PGM1: variants seen among roughly 807,000 people sequenced by gnomAD.
PGM1 encodes the protein phosphoglucomutase 1, also known as phosphoglucomutase-1.
In PGM1, 52 loss-of-function variants were observed where a neutral mutation model predicts 55.6. That is an observed-to-expected ratio of 0.94 (90% CI 0.75 to 1.18). The LOEUF is 1.18. Ranked by LOEUF, PGM1 falls within the 50% of genes most tolerant of loss-of-function variation. The probability of loss-of-function intolerance (pLI) is 0.00; values close to 1 mark genes in which losing one functional copy is unlikely to be tolerated. For missense variants in PGM1, 724 were observed against 729.3 expected (o/e 0.99, Z 0.08); for synonymous variants, 287 against 271.7 (o/e 1.06, Z -0.55).
rs1037732002 is a variant in PGM1, at chr1:63,629,326, TA to T, written c.247-98del. 202 of 965,434 alleles carry T rather than the reference TA, an allele frequency of 2.1e-4. No homozygotes were observed. The African/African-American group carries it at 2.2e-3, about 10-fold the overall frequency. The allele number at this position is 965,434 out of a possible 1,614,324, so 59.8% of individuals were successfully genotyped here. A position where few individuals can be genotyped will look rare whatever the true frequency, so the allele number is the denominator to read the frequency against. ...TTCTTGTCCAACAGATTATTACTATTATTTTTTTGTCCATCTGCCTGTTGTC... is the reference window on the plus strand; with the variant it reads ...TTCTTGTCCAACAGATTATTACTATTTTTTTTTGTCCATCTGCCTGTTGTC... On this transcript the variant is annotated intron_variant, in intron 1 of 10. Transcript: ENST00000371084.
chr1:63,650,190 G>A (rs151275199), intron 8 of PGM1, among the ~76,000 whole-genome samples: 5 of 152,224 alleles, frequency 3.3e-5, no homozygotes, highest in African/African-American at 1.2e-4. Context: ...GAACAAAAGC[G>A]CTAGGCACTT....
At chr1:63,655,023 C>T (rs1649923548) in intron 10 of PGM1, among the ~76,000 whole-genome samples, 1 of 147,878 alleles carries the variant, frequency 6.8e-6, no homozygotes, top group Admixed American at 6.8e-5. Context: ...GGCTGGAGTG[C>T]AATGGCACAA....
intron 1 of PGM1, among the ~76,000 whole-genome samples, chr1:63,604,115 G>T (rs898096232): frequency 6.6e-6 from 1 of 152,058 alleles, no homozygotes; most frequent in Admixed American, 6.6e-5. Context: ...TGATCTTACC[G>T]CTGCAGATCT....
intron 1 of PGM1, among the ~76,000 whole-genome samples, chr1:63,627,008 A>C (rs1357733154): frequency 6.7e-6 from 1 of 150,112 alleles, no homozygotes; most frequent in East Asian, 2.0e-4. Flanking sequence ...AATTTCACTT[A>C]GCATAATGTC....
chr1:63,650,718 A>G (rs556603920), intron 8 of PGM1, among the ~76,000 whole-genome samples: 45 of 152,324 alleles, frequency 3.0e-4, no homozygotes, highest in African/African-American at 1.1e-3. Context: ...CAAGTCTTTA[A>G]CATCATAAGA....
intron 1 of PGM1, among the ~76,000 whole-genome samples, chr1:63,615,324 T>C (rs914227538): frequency 9.8e-5 from 15 of 152,298 alleles, no homozygotes; most frequent in African/African-American, 2.9e-4. Flanking sequence ...ATACCTTTCC[T>C]CATTTACTTT....
At chr1:63,613,235 C>G (rs139802177) in intron 1 of PGM1, among the ~76,000 whole-genome samples, 5 of 142,138 alleles carry the variant, frequency 3.5e-5, no homozygotes, top group South Asian at 2.2e-4. Flanking sequence ...ACCAGCCACT[C>G]TGCTGCAAAA....
intron 4 of PGM1, among the ~76,000 whole-genome samples, chr1:63,634,157 A>C (rs1311044316): frequency 6.6e-6 from 1 of 151,282 alleles, no homozygotes; most frequent in Non-Finnish European, 1.5e-5. Flanking sequence ...CCCAATTCCC[A>C]CTTTTCCTAG....
chr1:63,631,562 G>A (rs2100983732), intron 3 of PGM1, 95 bp from the exon 4 acceptor site: 1 of 1,150,162 alleles, frequency 8.7e-7, no homozygotes, highest in South Asian at 1.2e-5. Context: ...TTTTAAAATA[G>A]CAATAGCAGG....
chr1:63,636,907 C>T (rs879756956), intron 6 of PGM1, among the ~76,000 whole-genome samples: 7 of 152,206 alleles, frequency 4.6e-5, no homozygotes, highest in African/African-American at 1.7e-4. Flanking sequence ...TTTAGAGTTT[C>T]AACGACTGGA....
intron 3 of PGM1, among the ~76,000 whole-genome samples, chr1:63,630,836 TG>T (rs1343824570): frequency 4.6e-5 from 7 of 152,252 alleles, no homozygotes; most frequent in African/African-American, 1.7e-4. Flanking sequence ...TGCAACTTTA[TG>T]GAATGCATTT....
At chr1:63,632,992 C>T (rs189948560) in intron 4 of PGM1, among the ~76,000 whole-genome samples, 1 of 152,144 alleles carries the variant, frequency 6.6e-6, no homozygotes, top group Admixed American at 6.5e-5. Flanking sequence ...CACTGCCCCC[C>T]AGCCTGGGCG....
intron 1 of PGM1, among the ~76,000 whole-genome samples, chr1:63,609,281 C>T (rs917921598): frequency 3.9e-5 from 6 of 152,198 alleles, no homozygotes; most frequent in East Asian, 1.9e-4. Flanking sequence ...GGTTACTGGG[C>T]CCAGGCCAAT....
chr1:63,613,466 G>C (rs1648622629), intron 1 of PGM1, among the ~76,000 whole-genome samples: 1 of 151,812 alleles, frequency 6.6e-6, no homozygotes, highest in Non-Finnish European at 1.5e-5. Flanking sequence ...GCTTCTGGTG[G>C]TGGCTAGCAA....
chr1:63,625,680 G>A (rs1648997138), intron 1 of PGM1, among the ~76,000 whole-genome samples: 1 of 151,998 alleles, frequency 6.6e-6, no homozygotes, highest in African/African-American at 2.4e-5. Flanking sequence ...ATTCTTGGAG[G>A]GCTTTTCAGC....
At chr1:63,622,618 T>G (rs1021272495) in intron 1 of PGM1, among the ~76,000 whole-genome samples, 1 of 152,194 alleles carries the variant, frequency 6.6e-6, no homozygotes, top group African/African-American at 2.4e-5. Context: ...GCTTACATTT[T>G]TAAGGACTTG....
intron 1 of PGM1, among the ~76,000 whole-genome samples, chr1:63,614,452 C>A (rs1570480512): frequency 6.6e-6 from 1 of 152,190 alleles, no homozygotes; most frequent in Admixed American, 6.5e-5. Context: ...CCCCATGAGC[C>A]ACTGCCCATC....
At chr1:63,622,225 A>G (rs1248184642) in intron 1 of PGM1, among the ~76,000 whole-genome samples, 4 of 152,058 alleles carry the variant, frequency 2.6e-5, no homozygotes, top group Non-Finnish European at 5.9e-5. Context: ...GGGTTTCACC[A>G]TGTTGAACAG....
chr1:63,608,469 T>A (rs1648484085), intron 1 of PGM1, among the ~76,000 whole-genome samples: 1 of 152,222 alleles, frequency 6.6e-6, no homozygotes, highest in South Asian at 2.1e-4. Context: ...GCTAAGCCAG[T>A]GCCCACCTCG....
Sources: allele counts gnomAD v4.1 joint callset (sites outside exome capture counted in the v4.1 genomes callset), GRCh38; gene constraint gnomAD v4.1.1; transcripts MANE v1.5; gene names NCBI Gene and HGNC (gene_info 2026-07-23, HGNC 2026-07-21).